Variants in RAP1GAP observed in about 807,000 individuals in gnomAD.
The protein encoded by RAP1GAP is rap1 GTPase-activating protein 1.
Under a neutral mutation model 87.2 loss-of-function variants are expected in RAP1GAP, and 35 were observed. The observed-to-expected ratio is 0.40, with a 90% CI of 0.31 to 0.53. The LOEUF (loss-of-function observed/expected upper bound fraction) is 0.53, where lower values mean the gene tolerates loss of function less well. RAP1GAP is among the 20% of genes least tolerant of loss of function. The pLI, the probability that RAP1GAP is intolerant of heterozygous loss-of-function variation, is 0.48. For synonymous variants in RAP1GAP, 375 were observed against 363.9 expected (o/e 1.03, Z -0.35); for missense variants, 734 against 898.9 (o/e 0.82, Z 2.35).
At position 21,596,888 on chromosome 1, in the gene RAP1GAP, G is replaced by A. The variant is rs975228312; in HGVS notation, c.*411C>T. On this transcript the variant is annotated 3_prime_UTR_variant, in exon 25 of 25. Coordinates refer to ENST00000374765, the MANE Select transcript of RAP1GAP (RefSeq NM_002885.4). ...CTCCCCCACATATCACATCCTCCTT[G>A]TGCTGCCTCCAGGGGCTAAGCTCTC... is the stretch of plus-strand genomic sequence containing the variant. The A allele has an allele frequency of 6.6e-6, 1 of 152,426 alleles. No individual in the cohort carries two copies. The highest frequency in any genetic ancestry group is 6.5e-5 in the Admixed American group (1 of 15,282). The allele number at this position is 152,426 out of a possible 1,614,324, so 9.4% of individuals were successfully genotyped here.
In RAP1GAP at chr1:21,596,671, G is replaced by A. The variant is rs1645337975; in HGVS notation, c.*628C>T. The stretch of plus-strand genomic sequence containing the variant: ...TCCAGGGACCTCAAGAAGCAGGGTA[G>A]GGTGATAGGAGGTCCCTGGGAAGAA... On this transcript the variant is annotated 3_prime_UTR_variant, in exon 25 of 25. Coordinates refer to ENST00000374765, the MANE Select transcript of RAP1GAP (RefSeq NM_002885.4). 6.6e-6 allele frequency: 1 copy of A among 152,296 alleles called. No homozygotes were observed. The highest frequency in any genetic ancestry group is 1.5e-5 in the Non-Finnish European group (1 of 68,080). 9.4% of individuals were successfully genotyped at this position (152,296 alleles called of 1,614,324 possible).
intron 1 of RAP1GAP, among the ~76,000 whole-genome samples, chr1:21,653,557 TTCC>T (rs1465275307): frequency 8.4e-6 from 1 of 118,548 alleles, no homozygotes; most frequent in African/African-American, 3.1e-5. Context: ...CCTTCCTTCC[TTCC>T]TTCCTTCCTT....
chr1:21,639,801 TCG>T (rs2095333760), intron 2 of RAP1GAP, among the ~76,000 whole-genome samples: 1 of 151,810 alleles, frequency 6.6e-6, no homozygotes, highest in East Asian at 1.9e-4. Flanking sequence ...TTCCTGGGAG[TCG>T]GCACCGGGTG....
chr1:21,606,667 A>C (rs2074836583), intron 17 of RAP1GAP, among the ~76,000 whole-genome samples: 2 of 151,214 alleles, frequency 1.3e-5, no homozygotes, highest in South Asian at 2.1e-4. Flanking sequence ...CTTCCCTCCC[A>C]CCCTCTTTCC....
At chr1:21,643,793 C>G (rs992208701) in intron 2 of RAP1GAP, among the ~76,000 whole-genome samples, 1 of 152,172 alleles carries the variant, frequency 6.6e-6, no homozygotes, top group African/African-American at 2.4e-5. Flanking sequence ...TATGGACAAT[C>G]TGGGGTTCAG....
intron 1 of RAP1GAP, among the ~76,000 whole-genome samples, chr1:21,664,102 AGCGGAAC>A (rs1364552673): frequency 1.3e-5 from 2 of 152,206 alleles, no homozygotes; most frequent in Non-Finnish European, 2.9e-5. Context: ...TGGGGCCAGA[AGCGGAAC>A]ACAAGGTTCC....
At position 21,656,417 on chromosome 1, in the gene RAP1GAP, TAAAAAAAAAAAAAAAA is replaced by T. The variant is rs71661339; in HGVS notation, c.-148-6637_-148-6622del. ...CTGGGTGACATAGCAAGACTCCATC[TAAAAAAAAAAAAAAAA>T]AAAAAAAAAAAAAAAAAAAAAGACC... is the stretch of plus-strand genomic sequence containing the variant. On this transcript the variant is annotated intron_variant, in intron 1 of 24. Coordinates refer to ENST00000374765, the MANE Select transcript of RAP1GAP (RefSeq NM_002885.4). 7.3e-5 allele frequency among the ~76,000 whole-genome samples: 7 copies of T among 96,198 alleles called. 1 individual carries two copies. Among genetic ancestry groups the T allele is most frequent in the Admixed American group, 3.0e-4 (3 of 9,898 alleles). The allele number at this position is 96,198 out of a possible 152,430, so 63.1% of individuals were successfully genotyped here.
At chr1:21,656,527 T>C (rs990894530) in intron 1 of RAP1GAP, among the ~76,000 whole-genome samples, 3 of 151,824 alleles carry the variant, frequency 2.0e-5, no homozygotes, top group African/African-American at 7.3e-5. Context: ...ATCCTTACTT[T>C]GCCTGTGGCC....
intron 20 of RAP1GAP, 118 bp from the exon 21 acceptor site, chr1:21,599,735 G>C: frequency 7.2e-7 from 1 of 1,394,066 alleles, no homozygotes; most frequent in Non-Finnish European, 9.6e-7. Flanking sequence ...AAGCACCTTT[G>C]AGGACCCCTT....
At chr1:21,640,488 A>C (rs1262011051) in intron 2 of RAP1GAP, among the ~76,000 whole-genome samples, 3 of 152,118 alleles carry the variant, frequency 2.0e-5, no homozygotes, top group African/African-American at 7.2e-5. Context: ...TTCATGATGA[A>C]GCTGTCTCTA....
intron 5 of RAP1GAP, among the ~76,000 whole-genome samples, chr1:21,618,203 C>T (rs927899453): frequency 2.6e-5 from 4 of 152,158 alleles, no homozygotes; most frequent in Admixed American, 6.5e-5. Flanking sequence ...CAGAAGAAAC[C>T]GCTGGACTGC....
chr1:21,610,193 A>G lies in RAP1GAP; in HGVS notation c.926T>C (p.Ile309Thr). The G allele has an allele frequency of 6.2e-7, 1 of 1,614,158 alleles. No homozygotes were observed. Among genetic ancestry groups the G allele is most frequent in the Non-Finnish European group, 8.5e-7 (1 of 1,180,030 alleles). ...DENTPFVPDMIASNFLHAYVV... is the reference protein window; with the variant it reads ...DENTPFVPDMTASNFLHAYVV... ...GTAGGCATGCAGGAAGTTGGACGCG[A>G]TCATGTCGGGCACGAAAGGAGTGTT... The change falls in exon 14 of 25, where the codon ATC becomes ACC. Residue 309 changes from isoleucine (I) to threonine (T), a missense_variant. Around this residue, in one of 2 missense-constraint regions of RAP1GAP, gnomAD observed 485 missense variants for 646.2 expected, o/e 0.75. Coordinates refer to ENST00000374765, the MANE Select transcript of RAP1GAP (RefSeq NM_002885.4).
intron 16 of RAP1GAP, 152 bp downstream of exon 16, chr1:21,608,698 C>T (rs1171750030): frequency 1.2e-5 from 9 of 780,134 alleles, no homozygotes; most frequent in East Asian, 1.0e-4. Context: ...TTCCTCTCCC[C>T]GACCTCCTAC....
intron 3 of RAP1GAP, among the ~76,000 whole-genome samples, chr1:21,621,894 C>A (rs1199836524): frequency 2.0e-5 from 3 of 152,226 alleles, no homozygotes; most frequent in African/African-American, 7.2e-5. Flanking sequence ...AGTGTACACA[C>A]AGCAACAAGC....
chr1:21,628,108 ATGAC>A (rs1367353349), intron 2 of RAP1GAP, among the ~76,000 whole-genome samples: 1 of 152,168 alleles, frequency 6.6e-6, no homozygotes, highest in Admixed American at 6.5e-5. Flanking sequence ...TATTTGTTGA[ATGAC>A]TGAATGAATG....
chr1:21,621,382 A>G (rs955808642), intron 3 of RAP1GAP, among the ~76,000 whole-genome samples: 2 of 152,122 alleles, frequency 1.3e-5, no homozygotes, highest in African/African-American at 4.8e-5. Context: ...CCCAAGGATG[A>G]GGGCCACGGT....
chr1:21,628,400 TAAAAAAAAAAAAAA>T (rs528098037), intron 2 of RAP1GAP, among the ~76,000 whole-genome samples: 15,468 of 52,302 alleles, frequency 0.3, 1,399 homozygotes, highest in South Asian at 0.44. Context: ...CCATCTCTAC[TAAAAAAAAAAAAAA>T]AAAAAAAAAA....
At chr1:21,662,569 AG>A (rs955623802) in intron 1 of RAP1GAP, among the ~76,000 whole-genome samples, 3 of 151,938 alleles carry the variant, frequency 2.0e-5, no homozygotes, top group African/African-American at 7.3e-5. Flanking sequence ...GGCCATGGGG[AG>A]GGGGAGCTGG....
At chr1:21,660,032 G>T (rs2097057016) in intron 1 of RAP1GAP, among the ~76,000 whole-genome samples, 1 of 151,922 alleles carries the variant, frequency 6.6e-6, no homozygotes. Context: ...ACACTGCCCT[G>T]CCCTGGCTGC....
Sources: gnomAD v4.1 joint callset for allele counts (sites outside exome capture counted in the v4.1 genomes callset) on GRCh38, gnomAD v4.1.1 for gene constraint, gnomAD v4.1.1 regional missense constraint, MANE v1.5 for transcripts, NCBI Gene and HGNC (gene_info 2026-07-23, HGNC 2026-07-21) for gene names.